The following RMC1 variants were observed in gnomAD, a reference collection of about 807,000 sequenced individuals.
The protein encoded by RMC1 is regulator of MON1-CCZ1 complex.
In RMC1, 44 loss-of-function variants were observed where a neutral mutation model predicts 95.5. The observed-to-expected ratio is 0.46, with a 90% CI of 0.36 to 0.59. The LOEUF is 0.59. Ranked by LOEUF, RMC1 falls within the 20% of genes least tolerant of loss-of-function variation. The pLI, the probability that RMC1 is intolerant of heterozygous loss-of-function variation, is 0.00. For synonymous variants in RMC1, 320 were observed against 303.6 expected (o/e 1.05, Z -0.56); for missense variants, 705 against 819.6 (o/e 0.86, Z 1.71).
At position 23,531,715 on chromosome 18, in the gene RMC1, T is replaced by C. The variant is rs1331641081; in HGVS notation, c.*11T>C. On this transcript the variant is annotated 3_prime_UTR_variant, in exon 20 of 20. Coordinates refer to ENST00000269221, the MANE Select transcript of RMC1 (RefSeq NM_013326.5). ...CCTACAACATTCTGAAATCACTTGCTGTTTTTTTATATAAAAATGTGTACA... is the reference window on the plus strand; with the variant it reads ...CCTACAACATTCTGAAATCACTTGCCGTTTTTTTATATAAAAATGTGTACA... 1 of 1,599,870 alleles carries C rather than the reference T, an allele frequency of 6.3e-7. No individual in the cohort carries two copies. The highest frequency in any genetic ancestry group is 2.2e-5 in the East Asian group (1 of 44,816).
intron 19 of RMC1, 63 bp downstream of exon 19, chr18:23,530,675 C>T: frequency 2.7e-6 from 4 of 1,509,370 alleles, no homozygotes; most frequent in East Asian, 2.3e-5. Flanking sequence ...AGGGCACTGG[C>T]AGCTGGTGGG....
At chr18:23,515,573 C>T (rs746199836) in intron 5 of RMC1, among the ~76,000 whole-genome samples, 3 of 152,302 alleles carry the variant, frequency 2.0e-5, no homozygotes, top group South Asian at 2.1e-4. Flanking sequence ...CTGTCACTCA[C>T]GCTGGAGTGT....
At chr18:23,523,719 C>T (rs889813108) in intron 10 of RMC1, among the ~76,000 whole-genome samples, 2 of 151,952 alleles carry the variant, frequency 1.3e-5, no homozygotes, top group Non-Finnish European at 2.9e-5. Flanking sequence ...AACACCCTCT[C>T]TTAAAGAAAA....
At chr18:23,526,306 A>T (rs901063222) in intron 12 of RMC1, among the ~76,000 whole-genome samples, 4 of 152,226 alleles carry the variant, frequency 2.6e-5, no homozygotes, top group African/African-American at 9.6e-5. Flanking sequence ...TTTAAACGTT[A>T]AAAGAGGGGC....
chr18:23,514,202 G>C (rs2057937236), intron 5 of RMC1, among the ~76,000 whole-genome samples: 1 of 152,224 alleles, frequency 6.6e-6, no homozygotes, highest in Admixed American at 6.5e-5. Context: ...GTGCTTTGCT[G>C]TAAGGCCATC....
At chr18:23,510,249 G>T in intron 5 of RMC1, among the ~76,000 whole-genome samples, 1 of 151,724 alleles carries the variant, frequency 6.6e-6, no homozygotes, top group East Asian at 1.9e-4. Context: ...GCTTGAGCCT[G>T]GGAGGCAGGA....
At chr18:23,522,062 C>A (rs577628450) in intron 10 of RMC1, among the ~76,000 whole-genome samples, 1 of 152,194 alleles carries the variant, frequency 6.6e-6, no homozygotes, top group South Asian at 2.1e-4. Flanking sequence ...ACCGTTCACC[C>A]GGGAGTTCAG....
chr18:23,516,272 T>C (rs200066647), intron 6 of RMC1, 48 bp from the exon 7 acceptor site: 1,470 of 1,578,256 alleles, frequency 9.3e-4, no homozygotes, highest in Non-Finnish European at 1.1e-3. Context: ...TGATGAAACA[T>C]TGAAGGGGTT....
At chr18:23,531,522 A>T in intron 19 of RMC1, 103 bp from the exon 20 acceptor site, 4 of 1,516,868 alleles carry the variant, frequency 2.6e-6, no homozygotes, top group Admixed American at 2.3e-5. Flanking sequence ...GTATTTTATT[A>T]AAGAAAAATA....
At chr18:23,518,771 T>C (rs900303996) in intron 7 of RMC1, 119 bp from the exon 8 acceptor site, 8 of 841,850 alleles carry the variant, frequency 9.5e-6, no homozygotes, top group Admixed American at 7.6e-5. Context: ...TAAACACTTG[T>C]TGGCAGCAAA....
At position 23,516,529 on chromosome 18, in the gene RMC1, C is replaced by T. The variant is rs2058010167; in HGVS notation, c.653+106C>T. On this transcript the variant is annotated intron_variant, in intron 7 of 19. Coordinates refer to ENST00000269221, the MANE Select transcript of RMC1 (RefSeq NM_013326.5). Reference sequence around the variant, plus strand: ...ACGTGATGCCCTGACCCCTAGAACACATAAGGAGGACTCCCCTTGTTCTGG... The same window carrying T: ...ACGTGATGCCCTGACCCCTAGAACATATAAGGAGGACTCCCCTTGTTCTGG... The T allele has an allele frequency of 3.6e-6, 4 of 1,125,892 alleles. No homozygotes were observed. In the Admixed American group the frequency reaches 5.9e-5, roughly 17 times the overall value. The allele number at this position is 1,125,892 out of a possible 1,614,324, so 69.7% of individuals were successfully genotyped here. A position where few individuals can be genotyped will look rare whatever the true frequency, so the allele number is the denominator to read the frequency against.
At chr18:23,504,158 C>T (rs2057658114) in intron 1 of RMC1, among the ~76,000 whole-genome samples, 1 of 152,244 alleles carries the variant, frequency 6.6e-6, no homozygotes, top group African/African-American at 2.4e-5. Flanking sequence ...GCCTCGGGAA[C>T]CCGACCCGGT....
chr18:23,531,203 C>A (rs1467402814), intron 19 of RMC1, among the ~76,000 whole-genome samples: 1 of 152,092 alleles, frequency 6.6e-6, no homozygotes, highest in East Asian at 1.9e-4. Flanking sequence ...ATTGTCCAGG[C>A]TGGTCTCAAA....
intron 10 of RMC1, chr18:23,522,698 A>AG (rs1490620191): frequency 6.6e-6 from 1 of 152,298 alleles, no homozygotes; most frequent in African/African-American, 2.4e-5. Flanking sequence ...GCCTGGTCAC[A>AG]GTAACAGCCC....
At chr18:23,507,083 A>G in intron 3 of RMC1, 29 bp downstream of exon 3, 1 of 1,437,584 alleles carries the variant, frequency 7.0e-7, no homozygotes, top group African/African-American at 1.4e-5. Context: ...ATACAGCATT[A>G]AAGGGCATTA....
chr18:23,521,516 T>G (rs2058140198), intron 10 of RMC1, among the ~76,000 whole-genome samples: 2 of 152,198 alleles, frequency 1.3e-5, no homozygotes, highest in South Asian at 4.1e-4. Context: ...GCTGTGGCTC[T>G]TAGGCTTACC....
chr18:23,530,550 C>T lies in RMC1; in HGVS notation c.1832C>T (p.Thr611Ile), dbSNP rs1274093021. The change falls in exon 19 of 20, where the codon ACA becomes ATA. Residue 611 changes from threonine (T) to isoleucine (I), a missense_variant. Physicochemically the swap from Thr to Ile is moderately conservative, Grantham distance 89 (BLOSUM62 -1). Transcript: ENST00000269221. ...KQTEDNMLFY[T>I]IFRFFEQRNQ... The stretch of plus-strand genomic sequence containing the variant: ...ACTGAAGACAACATGCTTTTCTATA[C>T]AATATTCCGCTTTTTTGAACAGCGA... 1.2e-6 allele frequency: 2 copies of T among 1,614,200 alleles called. No homozygotes were observed. The highest frequency in any genetic ancestry group is 1.1e-5 in the South Asian group (1 of 91,080).
Position 23,526,774 on chromosome 18 carries a change from A to C in RMC1, c.1189+9A>C. ...GTCTGTCTGTTCACAGAGTAAGTTG[A>C]ATCCTTCCCCCTTGCTCTGATTCCA... On this transcript the variant is annotated intron_variant, in intron 13 of 19. Coordinates refer to ENST00000269221, the MANE Select transcript of RMC1 (RefSeq NM_013326.5). 1 of 1,613,440 alleles carries C rather than the reference A, an allele frequency of 6.2e-7. No homozygotes were observed. The highest frequency in any genetic ancestry group is 8.5e-7 in the Non-Finnish European group (1 of 1,179,720).
At chr18:23,522,669 A>T (rs1335025000) in intron 10 of RMC1, 1 of 152,234 alleles carries the variant, frequency 6.6e-6, no homozygotes, top group Admixed American at 6.5e-5. Context: ...CCATCTGGTC[A>T]TAAGGGAACA....
Sources: gnomAD v4.1 joint callset for allele counts (sites outside exome capture counted in the v4.1 genomes callset) on GRCh38, gnomAD v4.1.1 for gene constraint, MANE v1.5 for transcripts, NCBI Gene and HGNC (gene_info 2026-07-23, HGNC 2026-07-21) for gene names.